Variants in NHSL2 observed in about 807,000 individuals in gnomAD.
NHSL2 encodes NHS like 2.
Under a neutral mutation model 53.4 loss-of-function variants are expected in NHSL2, and 27 were observed. The ratio of observed to expected loss-of-function variants is 0.51; its 90% confidence interval spans 0.37 to 0.70. The LOEUF is 0.70. NHSL2 is among the 30% of genes least tolerant of loss of function. The probability of loss-of-function intolerance (pLI) is 0.00; values close to 1 mark genes in which losing one functional copy is unlikely to be tolerated. For synonymous variants in NHSL2, 408 were observed against 404.1 expected (o/e 1.01, Z -0.12); for missense variants, 892 against 980.1 (o/e 0.91, Z 1.20).
intron 1 of NHSL2, among the ~76,000 whole-genome samples, chrX:71,956,316 C>G (rs1465447666): frequency 8.9e-6 from 1 of 111,759 alleles, no homozygotes; most frequent in Non-Finnish European, 1.9e-5. Flanking sequence ...TATTGATCAC[C>G]TTTAATCTTT....
At position 71,978,060 on chromosome X, in the gene NHSL2, T is replaced by C. The variant is rs188270370; in HGVS notation, c.280+66693T>C. 2.7e-4 allele frequency among the ~76,000 whole-genome samples: 30 copies of C among 111,656 alleles called. No homozygotes were observed. The East Asian group carries it at 4.0e-3, about 15-fold the overall frequency. ...TTGTCTCATGTGTAAAAAAAAGAGATAAGAATAACAACTCTATCATGGGGT... is the reference window on the plus strand; with the variant it reads ...TTGTCTCATGTGTAAAAAAAAGAGACAAGAATAACAACTCTATCATGGGGT... On this transcript the variant is annotated intron_variant, in intron 1 of 7. Coordinates refer to ENST00000633930, the MANE Select transcript of NHSL2 (RefSeq NM_001013627.3).
intron 1 of NHSL2, among the ~76,000 whole-genome samples, chrX:72,010,183 G>A (rs1176677503): frequency 8.9e-6 from 1 of 112,265 alleles, no homozygotes; most frequent in East Asian, 2.8e-4. Flanking sequence ...GTTCTTCCAG[G>A]TGGTTCTTCC....
At position 71,933,666 on chromosome X, in the gene NHSL2, G is replaced by A. The variant is rs1305348723; in HGVS notation, c.280+22299G>A. On this transcript the variant is annotated intron_variant, in intron 1 of 7. Coordinates refer to ENST00000633930, the MANE Select transcript of NHSL2 (RefSeq NM_001013627.3). ...ACTAACTTTATGGGGTTTGTGTGAGGATTATAGGGAGAGCATGTAATATCC... is the reference window on the plus strand; with the variant it reads ...ACTAACTTTATGGGGTTTGTGTGAGAATTATAGGGAGAGCATGTAATATCC... Among the ~76,000 whole-genome samples the A allele has an allele frequency of 5.4e-5, 6 of 111,472 alleles. No individual in the cohort carries two copies. The Admixed American group carries it at 5.7e-4, about 11-fold the overall frequency.
At chrX:72,118,357 T>C (rs1435656512) in intron 1 of NHSL2, among the ~76,000 whole-genome samples, 1 of 112,358 alleles carries the variant, frequency 8.9e-6, no homozygotes, top group African/African-American at 3.2e-5. Context: ...TTGTAAGATA[T>C]TTTTATATGT....
chrX:72,142,404 C>T, intron 7 of NHSL2, 40 bp downstream of exon 7: 2 of 1,025,806 alleles, frequency 1.9e-6, no homozygotes, highest in South Asian at 2.5e-5. Context: ...CAATTGCCTT[C>T]CCTTTTTGTA....
intron 1 of NHSL2, among the ~76,000 whole-genome samples, chrX:72,003,931 C>T (rs1245507600): frequency 3.6e-5 from 4 of 112,002 alleles, no homozygotes; most frequent in African/African-American, 9.8e-5. Context: ...CTTCTAACCA[C>T]ACCACCTGCC....
In NHSL2 at chrX:72,139,819, G is replaced by A. The variant is rs751264193; in HGVS notation, c.2271G>A (p.Pro757=). The A allele has an allele frequency of 1.7e-5, 21 of 1,210,337 alleles. No individual in the cohort carries two copies. Among genetic ancestry groups the A allele is most frequent in the Non-Finnish European group, 2.3e-5 (21 of 894,578 alleles). ...CTGAGAGGAAGTCATCACTACCCCC[G>A]ACGTCACCAATGGAGAAATTTCCCA... The part of the protein sequence containing the change: ...VVPERKSSLP[P]TSPMEKFPKS... The change falls in exon 6 of 8, where the codon CCG becomes CCA. Residue 757 remains proline (P), a synonymous_variant. Coordinates refer to ENST00000633930, the MANE Select transcript of NHSL2 (RefSeq NM_001013627.3).
chrX:72,027,456 C>T (rs1430302859), intron 1 of NHSL2: 3 of 111,535 alleles, frequency 2.7e-5, no homozygotes, highest in Non-Finnish European at 5.6e-5. Flanking sequence ...AAGCAGCCCT[C>T]AGAAGGCGAA....
intron 1 of NHSL2, among the ~76,000 whole-genome samples, chrX:71,989,753 G>A (rs769104128): frequency 8.9e-6 from 1 of 112,517 alleles, no homozygotes; most frequent in Non-Finnish European, 1.9e-5. Context: ...AAAGAAAAGG[G>A]TGACTTGAGA....
At chrX:72,085,940 G>A (rs1357309929) in intron 1 of NHSL2, among the ~76,000 whole-genome samples, 1 of 110,255 alleles carries the variant, frequency 9.1e-6, no homozygotes, top group Non-Finnish European at 1.9e-5. Context: ...ATTCCTCGGG[G>A]CCTCCTTCCC....
chrX:71,946,098 T>G (rs2041791515), intron 1 of NHSL2, among the ~76,000 whole-genome samples: 1 of 111,831 alleles, frequency 8.9e-6, no homozygotes, highest in African/African-American at 3.3e-5. Context: ...GTGTGACAGA[T>G]AAGCAGGCAG....
intron 1 of NHSL2, among the ~76,000 whole-genome samples, chrX:71,959,908 G>A (rs1265324343): frequency 9.0e-6 from 1 of 110,936 alleles, no homozygotes; most frequent in Non-Finnish European, 1.9e-5. Context: ...GTATTTTTGC[G>A]GAGCCTAGGA....
chrX:72,089,083 G>C (rs1433684862), intron 1 of NHSL2, among the ~76,000 whole-genome samples: 2 of 111,107 alleles, frequency 1.8e-5, no homozygotes, highest in Non-Finnish European at 3.8e-5. Flanking sequence ...AACAAAAGCA[G>C]GTGTCCTAGA....
At chrX:72,003,568 G>A (rs1056275092) in intron 1 of NHSL2, among the ~76,000 whole-genome samples, 1 of 111,189 alleles carries the variant, frequency 9.0e-6, no homozygotes, top group African/African-American at 3.3e-5. Context: ...ATCTCTTCAG[G>A]CCCAAGTTTA....
At chrX:71,955,605 G>A (rs184881900) in intron 1 of NHSL2, among the ~76,000 whole-genome samples, 4 of 109,967 alleles carry the variant, frequency 3.6e-5, no homozygotes, top group East Asian at 2.9e-4. Context: ...TAGCCCACAC[G>A]TCTCAAAAAG....
At chrX:72,032,418 A>G (rs375430025) in intron 1 of NHSL2, among the ~76,000 whole-genome samples, 1 of 110,679 alleles carries the variant, frequency 9.0e-6, no homozygotes, top group East Asian at 2.8e-4. Flanking sequence ...AATAATAAAA[A>G]GGAGATGCAG....
intron 1 of NHSL2, among the ~76,000 whole-genome samples, chrX:71,946,117 C>G: frequency 9.0e-6 from 1 of 111,697 alleles, no homozygotes; most frequent in Middle Eastern, 4.6e-3. Context: ...AGTGATAGGA[C>G]AGGGTAGTGC....
chrX:72,052,704 G>C, intron 1 of NHSL2, among the ~76,000 whole-genome samples: 1 of 111,722 alleles, frequency 9.0e-6, no homozygotes, highest in Non-Finnish European at 1.9e-5. Flanking sequence ...GACCACCCTG[G>C]TGGTTTTTAA....
At chrX:71,990,967 A>G (rs954457824) in intron 1 of NHSL2, among the ~76,000 whole-genome samples, 1 of 112,447 alleles carries the variant, frequency 8.9e-6, no homozygotes, top group African/African-American at 3.2e-5. Context: ...GGACATTGGG[A>G]GTCAGGACCT....
Sources: gnomAD v4.1 joint callset for allele counts (sites outside exome capture counted in the v4.1 genomes callset) on GRCh38, gnomAD v4.1.1 for gene constraint, MANE v1.5 for transcripts, NCBI Gene and HGNC (gene_info 2026-07-23, HGNC 2026-07-21) for gene names.